The following ADGRL3 variants were observed in gnomAD, a reference collection of about 807,000 sequenced individuals.
ADGRL3 encodes calcium-independent alpha-latrotoxin receptor 3.
ADGRL3 carries 62 observed loss-of-function variants against 153.5 expected under a neutral mutation model. The ratio of observed to expected loss-of-function variants is 0.40; its 90% CI spans 0.33 to 0.50. The LOEUF (loss-of-function observed/expected upper bound fraction) is 0.50, where lower values mean the gene tolerates loss of function less well. Ranked by LOEUF, ADGRL3 falls within the 20% of genes least tolerant of loss-of-function variation. The pLI, the probability that ADGRL3 is intolerant of heterozygous loss-of-function variation, is 0.47. For missense variants in ADGRL3, 1,641 were observed against 1,859.4 expected, an observed-to-expected ratio of 0.88 and a Z score of 2.16; for synonymous variants, 710 against 672.5, an observed-to-expected ratio of 1.06 and a Z score of -0.86.
intron 5 of ADGRL3, among the ~76,000 whole-genome samples, chr4:61,626,538 T>A (rs2092840637): frequency 6.6e-6 from 1 of 152,106 alleles, no homozygotes; most frequent in Non-Finnish European, 1.5e-5. Flanking sequence ...AACAAAAACA[T>A]TAATCACTAA....
At chr4:61,917,725 A>C (rs2098751270) in intron 13 of ADGRL3, among the ~76,000 whole-genome samples, 1 of 152,182 alleles carries the variant, frequency 6.6e-6, no homozygotes, top group African/African-American at 2.4e-5. Flanking sequence ...TACCGAGGTG[A>C]TATTTGAGCA....
At chr4:61,508,720 C>A (rs2098445640) in intron 3 of ADGRL3, among the ~76,000 whole-genome samples, 1 of 152,072 alleles carries the variant, frequency 6.6e-6, no homozygotes, top group Admixed American at 6.6e-5. Context: ...AGTTTTCCGA[C>A]CTTGCCTCAC....
intron 2 of ADGRL3, among the ~76,000 whole-genome samples, chr4:61,430,264 G>A (rs895998795): frequency 1.3e-5 from 2 of 152,108 alleles, no homozygotes; most frequent in African/African-American, 2.4e-5. Flanking sequence ...TCAAATTTAT[G>A]AGCATGAGTG....
At chr4:61,777,257 T>C (rs990435421) in intron 8 of ADGRL3, among the ~76,000 whole-genome samples, 3 of 151,736 alleles carry the variant, frequency 2.0e-5, no homozygotes, top group East Asian at 3.9e-4. Context: ...GGCCTGAACC[T>C]GCGAGGCGGA....
chr4:62,052,284 A>G (rs772951307), intron 25 of ADGRL3, among the ~76,000 whole-genome samples: 57 of 151,636 alleles, frequency 3.8e-4, no homozygotes, highest in Non-Finnish European at 7.1e-4. Context: ...AGTCATTTGA[A>G]GGAAGTATTT....
rs180864424 is a variant in ADGRL3 at position 61,435,956 on chromosome 4, A to T, written c.-174+52767A>T. The stretch of plus-strand genomic sequence containing the variant: ...TTTGTAGTAGTCACATTTTAAAATT[A>T]AAAAAAATTAGATAATAATTTTAAA... On this transcript the variant is annotated intron_variant, in intron 2 of 26. Coordinates refer to ENST00000683033, the MANE Select transcript of ADGRL3 (RefSeq NM_001387552.1). Among the ~76,000 whole-genome samples, 978 of 145,420 alleles carry T rather than the reference A, an allele frequency of 6.7e-3. 13 individuals are homozygous for T. The highest frequency in any genetic ancestry group is 0.026 in the African/African-American group (930 of 35,334).
At chr4:61,832,271 A>G (rs2097880734) in intron 9 of ADGRL3, among the ~76,000 whole-genome samples, 1 of 152,180 alleles carries the variant, frequency 6.6e-6, no homozygotes, top group Non-Finnish European at 1.5e-5. Flanking sequence ...TTCTCTTAGG[A>G]CAAAGGATGG....
chr4:61,323,016 C>A (rs1291061844), intron 1 of ADGRL3, among the ~76,000 whole-genome samples: 1 of 152,218 alleles, frequency 6.6e-6, no homozygotes, highest in South Asian at 2.1e-4. Context: ...TTCCATAAAT[C>A]CTGTGAAATC....
rs548560192 is a variant in ADGRL3, at chr4:61,619,217, C to T, written c.473+31777C>T. On this transcript the variant is annotated intron_variant, in intron 5 of 26. Transcript: ENST00000683033. The stretch of plus-strand genomic sequence containing the variant: ...AACCGGTGGCTGTCTTTGTAATCTA[C>T]CAGTTGTGCATAGACCGTACAAAGT... 1.2e-3 allele frequency among the ~76,000 whole-genome samples: 190 copies of T among 152,168 alleles called. 1 individual carries two copies. Among genetic ancestry groups the T allele is most frequent in the Middle Eastern group, 3.4e-3 (1 of 294 alleles).
At chr4:61,302,558 T>A (rs1365892295) in intron 1 of ADGRL3, among the ~76,000 whole-genome samples, 1 of 152,196 alleles carries the variant, frequency 6.6e-6, no homozygotes, top group African/African-American at 2.4e-5. Context: ...TTGTCATAGA[T>A]GTTTTTAAAG....
chr4:61,844,168 A>T (rs1440640278), intron 9 of ADGRL3, among the ~76,000 whole-genome samples: 4 of 151,838 alleles, frequency 2.6e-5, no homozygotes, highest in Non-Finnish European at 1.5e-5. Flanking sequence ...TTCTTTCTAT[A>T]CTGGTCTTAC....
chr4:61,411,237 C>CT (rs10708586), intron 2 of ADGRL3, among the ~76,000 whole-genome samples: 14 of 151,916 alleles, frequency 9.2e-5, no homozygotes, highest in South Asian at 2.1e-4. Flanking sequence ...TCTTCAGTTT[C>CT]TTTTTTTTCT....
intron 8 of ADGRL3, among the ~76,000 whole-genome samples, chr4:61,783,357 G>A (rs143870175): frequency 2.9e-3 from 447 of 152,188 alleles, no homozygotes; most frequent in African/African-American, 0.01. Context: ...TAGACCTTCA[G>A]AGGTTATGAG....
At chr4:61,236,008 C>CTTTTTTTTTTTTTTTTTTTTTT (rs55932029) in intron 1 of ADGRL3, among the ~76,000 whole-genome samples, 2 of 95,852 alleles carry the variant, frequency 2.1e-5, no homozygotes, top group Non-Finnish European at 3.8e-5. Context: ...CTTTTCTTTT[C>CTTTTTTTTTTTTTTTTTTTTTT]TTTTTTTTTT....
At chr4:61,367,096 G>C (rs1243954205) in intron 1 of ADGRL3, among the ~76,000 whole-genome samples, 1 of 152,114 alleles carries the variant, frequency 6.6e-6, no homozygotes, top group African/African-American at 2.4e-5. Context: ...AGAAGTAAAA[G>C]TTAAAGTAGC....
At chr4:61,980,989 T>G (rs759481985) in intron 18 of ADGRL3, among the ~76,000 whole-genome samples, 27 of 152,186 alleles carry the variant, frequency 1.8e-4, no homozygotes, top group Admixed American at 2.6e-4. Context: ...CTCCTTTGGG[T>G]AAAACCAGGG....
At chr4:61,560,553 C>A (rs1372753995) in intron 4 of ADGRL3, among the ~76,000 whole-genome samples, 1 of 152,050 alleles carries the variant, frequency 6.6e-6, no homozygotes, top group Non-Finnish European at 1.5e-5. Flanking sequence ...TGGGGGATAC[C>A]TGCCTTTGGA....
chr4:61,736,724 G>A (rs995278509), intron 8 of ADGRL3, among the ~76,000 whole-genome samples: 1 of 152,144 alleles, frequency 6.6e-6, no homozygotes. Flanking sequence ...ATAGACTTCA[G>A]CTTTTAAAAT....
At chr4:61,865,591 G>T (rs1196652200) in intron 9 of ADGRL3, among the ~76,000 whole-genome samples, 1 of 152,152 alleles carries the variant, frequency 6.6e-6, no homozygotes, top group East Asian at 1.9e-4. Context: ...GAAATTCAGT[G>T]TACAGTTCCA....
Sources: allele counts gnomAD v4.1 joint callset (sites outside exome capture counted in the v4.1 genomes callset), GRCh38; gene constraint gnomAD v4.1.1; transcripts MANE v1.5; gene names NCBI Gene and HGNC (gene_info 2026-07-23, HGNC 2026-07-21).